PDGFD: variants seen among roughly 807,000 people sequenced by gnomAD.
PDGFD encodes the protein platelet derived growth factor D.
Under a neutral mutation model 44.7 loss-of-function variants are expected in PDGFD, and 30 were observed. The ratio of observed to expected loss-of-function variants is 0.67; its 90% CI spans 0.50 to 0.91. The LOEUF is 0.91. PDGFD is among the 40% of genes least tolerant of loss of function. PDGFD has a pLI of 0.00. For missense variants in PDGFD, 445 were observed against 457.8 expected (o/e 0.97, Z 0.25); for synonymous variants, 173 against 168.4 (o/e 1.03, Z -0.21).
intron 1 of PDGFD, among the ~76,000 whole-genome samples, chr11:104,125,801 C>T (rs1259254220): frequency 3.3e-5 from 5 of 152,182 alleles, no homozygotes; most frequent in African/African-American, 1.2e-4. Context: ...AAATGCACGG[C>T]ATGACCACTC....
chr11:104,004,930 G>A (rs1859678227), intron 1 of PDGFD, among the ~76,000 whole-genome samples: 1 of 141,944 alleles, frequency 7.0e-6, no homozygotes, highest in African/African-American at 2.7e-5. Context: ...CCAGGCTGGA[G>A]TGCAGTGGTA....
intron 2 of PDGFD, among the ~76,000 whole-genome samples, chr11:103,998,806 A>G (rs1370395226): frequency 1.3e-5 from 2 of 152,178 alleles, no homozygotes; most frequent in East Asian, 3.9e-4. Context: ...ATTGAATTGA[A>G]TAGGACAAAA....
chr11:104,046,672 T>C (rs543068403), intron 1 of PDGFD, among the ~76,000 whole-genome samples: 2 of 147,582 alleles, frequency 1.4e-5, no homozygotes, highest in African/African-American at 4.9e-5. Context: ...AACAAATCTG[T>C]TTAAGTTGTA....
At chr11:103,997,351 A>G (rs1192661489) in intron 2 of PDGFD, among the ~76,000 whole-genome samples, 2 of 152,164 alleles carry the variant, frequency 1.3e-5, no homozygotes, top group South Asian at 2.1e-4. Flanking sequence ...AGAGAAACCA[A>G]TATGGCCTTC....
intron 1 of PDGFD, among the ~76,000 whole-genome samples, chr11:104,012,056 A>G (rs1859793636): frequency 6.6e-6 from 1 of 152,178 alleles, no homozygotes; most frequent in Non-Finnish European, 1.5e-5. Context: ...ATTAATGCAA[A>G]TGATTCCCGC....
intron 3 of PDGFD, among the ~76,000 whole-genome samples, chr11:103,955,230 A>ATCAACATCCATTCTT (rs1420308816): frequency 1.4e-5 from 2 of 145,192 alleles, no homozygotes; most frequent in Non-Finnish European, 3.0e-5. Context: ...CAAACACATG[A>ATCAACATCCATTCTT]TCAACATCCA....
chr11:104,049,104 AC>A (rs1486803835), intron 1 of PDGFD, among the ~76,000 whole-genome samples: 1 of 152,104 alleles, frequency 6.6e-6, no homozygotes, highest in Non-Finnish European at 1.5e-5. Context: ...CTATCATATT[AC>A]CTCTCATTAA....
intron 6 of PDGFD, among the ~76,000 whole-genome samples, chr11:103,921,252 A>T (rs1039488120): frequency 1.6e-4 from 25 of 152,092 alleles, no homozygotes; most frequent in African/African-American, 6.0e-4. Flanking sequence ...CAGAAAAGAG[A>T]TTTTCTTGAC....
rs560862511 is a variant in PDGFD, at chr11:103,929,745, G to C, written c.773-2619C>G. On this transcript the variant is annotated intron_variant, in intron 5 of 6. Coordinates refer to ENST00000393158, the MANE Select transcript of PDGFD (RefSeq NM_025208.5). ...GACTGGATGCAAATAACTTCAAAGC[G>C]TGATTGCAGACTTTCTGCAGGGGAT... Among the ~76,000 whole-genome samples, 4 of 152,174 alleles carry C rather than the reference G, an allele frequency of 2.6e-5. No homozygotes were observed. In the East Asian group the frequency reaches 7.7e-4, roughly 29 times the overall value.
chr11:104,097,856 C>A (rs1385797729), intron 1 of PDGFD, among the ~76,000 whole-genome samples: 5 of 152,148 alleles, frequency 3.3e-5, no homozygotes, highest in South Asian at 4.1e-4. Context: ...TAAACGCCAA[C>A]TATACTGCTT....
At chr11:104,038,379 C>T in intron 1 of PDGFD, 1 of 214,240 alleles carries the variant, frequency 4.7e-6, no homozygotes, top group Non-Finnish European at 1.0e-5. Flanking sequence ...AATGCTATGG[C>T]TGCAGACCTT....
At chr11:104,137,687 C>A (rs1459957909) in intron 1 of PDGFD, among the ~76,000 whole-genome samples, 1 of 149,160 alleles carries the variant, frequency 6.7e-6, no homozygotes, top group Non-Finnish European at 1.5e-5. Context: ...TTATAAACTT[C>A]CATTGTATCT....
chr11:103,989,650 G>A (rs1386349048), intron 3 of PDGFD, among the ~76,000 whole-genome samples: 1 of 152,172 alleles, frequency 6.6e-6, no homozygotes, highest in Non-Finnish European at 1.5e-5. Context: ...ATGGTAATGG[G>A]TGAGGGGAAT....
intron 1 of PDGFD, among the ~76,000 whole-genome samples, chr11:104,022,581 T>C (rs1859977326): frequency 6.6e-6 from 1 of 152,134 alleles, no homozygotes; most frequent in Admixed American, 6.6e-5. Context: ...GGAAAAAAAC[T>C]GACCTTACAA....
At chr11:103,966,110 G>A (rs1308704271) in intron 3 of PDGFD, among the ~76,000 whole-genome samples, 3 of 152,034 alleles carry the variant, frequency 2.0e-5, no homozygotes, top group African/African-American at 7.2e-5. Flanking sequence ...ATTTGGGTCA[G>A]GCAAAAAACA....
chr11:104,079,151 T>C, intron 1 of PDGFD, among the ~76,000 whole-genome samples: 1 of 152,172 alleles, frequency 6.6e-6, no homozygotes, highest in Non-Finnish European at 1.5e-5. Flanking sequence ...AGTAGACATG[T>C]TAGCTACTCT....
At chr11:104,150,771 G>C (rs949687021) in intron 1 of PDGFD, among the ~76,000 whole-genome samples, 1 of 151,930 alleles carries the variant, frequency 6.6e-6, no homozygotes, top group African/African-American at 2.4e-5. Flanking sequence ...AATCTCCCTC[G>C]GCATCTCTCT....
Position 104,155,187 on chromosome 11 carries a change from G to A in PDGFD, c.124+8617C>T, listed in dbSNP as rs186441498. Reference sequence around the variant, plus strand: ...CTTCAAGGTTTCTGTAGTAAATGCTGTCAATTTCTGGTTGAAATACATACA... The same window carrying A: ...CTTCAAGGTTTCTGTAGTAAATGCTATCAATTTCTGGTTGAAATACATACA... On this transcript the variant is annotated intron_variant, in intron 1 of 6. Transcript: ENST00000393158. Among the ~76,000 whole-genome samples the A allele has an allele frequency of 7.2e-5, 11 of 152,266 alleles. 1 individual carries two copies. The South Asian group carries it at 2.1e-3, about 29-fold the overall frequency.
intron 1 of PDGFD, among the ~76,000 whole-genome samples, chr11:104,162,912 A>G (rs547978644): frequency 2.0e-5 from 3 of 152,200 alleles, no homozygotes; most frequent in Admixed American, 2.0e-4. Flanking sequence ...GTTCAGGTAC[A>G]TGGCAGAACA....
Sources: gnomAD v4.1 joint callset for allele counts (sites outside exome capture counted in the v4.1 genomes callset) on GRCh38, gnomAD v4.1.1 for gene constraint, MANE v1.5 for transcripts, NCBI Gene and HGNC (gene_info 2026-07-23, HGNC 2026-07-21) for gene names.